The following IKZF2 variants were observed in gnomAD, a reference collection of about 807,000 sequenced individuals.
The protein encoded by IKZF2 is IKAROS family zinc finger 2.
In IKZF2, 15 loss-of-function variants were observed where a neutral mutation model predicts 49.2. The observed-to-expected ratio is 0.30, with a 90% CI of 0.20 to 0.47. The LOEUF is 0.47. IKZF2 is among the 20% of genes least tolerant of loss of function. The pLI, the probability that IKZF2 is intolerant of heterozygous loss-of-function variation, is 1.00. For missense variants in IKZF2, 567 were observed against 664.6 expected, an observed-to-expected ratio of 0.85 and a Z score of 1.61; for synonymous variants, 227 against 221.4, an observed-to-expected ratio of 1.03 and a Z score of -0.23.
intron 4 of IKZF2, among the ~76,000 whole-genome samples, chr2:213,110,234 G>C (rs944028313): frequency 3.3e-4 from 50 of 151,746 alleles, no homozygotes; most frequent in Non-Finnish European, 5.6e-4. Flanking sequence ...TATTTGAATG[G>C]TTCAAAAATC....
intron 4 of IKZF2, among the ~76,000 whole-genome samples, chr2:213,068,156 T>C (rs149103221): frequency 6.6e-4 from 100 of 152,264 alleles, no homozygotes; most frequent in African/African-American, 2.3e-3. Flanking sequence ...AAAGGGCATA[T>C]AAATGGCTTT....
chr2:213,086,095 A>G (rs1302662241), intron 4 of IKZF2, among the ~76,000 whole-genome samples: 1 of 152,240 alleles, frequency 6.6e-6, no homozygotes, highest in Admixed American at 6.5e-5. Context: ...TATAGGAATC[A>G]TTACTCCACT....
At chr2:213,130,019 A>G (rs111576011) in intron 4 of IKZF2, among the ~76,000 whole-genome samples, 1,901 of 152,296 alleles carry the variant, frequency 0.012, 39 homozygotes, top group African/African-American at 0.044. Flanking sequence ...CTGCAAATAG[A>G]TGAAGGTGAG....
At chr2:213,064,855 C>T (rs1404553566) in intron 4 of IKZF2, among the ~76,000 whole-genome samples, 2 of 152,044 alleles carry the variant, frequency 1.3e-5, no homozygotes, top group Non-Finnish European at 2.9e-5. Context: ...TTTTGCCACA[C>T]TCTTCTCCCC....
At chr2:213,068,487 A>G (rs1047795757) in intron 4 of IKZF2, among the ~76,000 whole-genome samples, 1 of 152,112 alleles carries the variant, frequency 6.6e-6, no homozygotes, top group African/African-American at 2.4e-5. Context: ...AGGTCCCTTC[A>G]ATCTATGGTA....
At position 213,007,921 on chromosome 2, in the gene IKZF2, C is replaced by A. The variant is rs115182573; in HGVS notation, c.1020G>T (p.Pro340=). The A allele has an allele frequency of 9.3e-6, 15 of 1,613,364 alleles. No homozygotes were observed. Among genetic ancestry groups the A allele is most frequent in the Non-Finnish European group, 1.3e-5 (15 of 1,179,666 alleles). The change falls in exon 9 of 9, where the codon CCG becomes CCT. Residue 340 remains proline, a synonymous_variant. Transcript: ENST00000434687. Reference sequence around the variant, plus strand: ...GGGCCACTTCAGCGATTGTGCTTGGCGGGTGCTGCATCAGAGGGTGAAGGG... The same window carrying A: ...GGGCCACTTCAGCGATTGTGCTTGGAGGGTGCTGCATCAGAGGGTGAAGGG... ...AEALHPLMQH[P]PSTIAEVAPV... is the part of the protein sequence containing the mutation.
intron 6 of IKZF2, among the ~76,000 whole-genome samples, chr2:213,038,563 C>CT (rs1219950655): frequency 2.7e-5 from 4 of 147,990 alleles, no homozygotes; most frequent in Non-Finnish European, 5.9e-5. Context: ...TATTTATGTA[C>CT]TTTTTTTCTG....
chr2:213,045,190 T>C (rs1700038666), intron 6 of IKZF2, among the ~76,000 whole-genome samples: 1 of 152,196 alleles, frequency 6.6e-6, no homozygotes, highest in African/African-American at 2.4e-5. Context: ...AACTGAAAGA[T>C]GTTAGGGGTG....
intron 4 of IKZF2, among the ~76,000 whole-genome samples, chr2:213,089,434 A>G (rs1705045206): frequency 6.6e-6 from 1 of 152,042 alleles, no homozygotes. Flanking sequence ...CACTCTCCAC[A>G]TGGGACCCAG....
intron 4 of IKZF2, among the ~76,000 whole-genome samples, chr2:213,086,924 A>T (rs1344940109): frequency 6.6e-6 from 1 of 152,174 alleles, no homozygotes; most frequent in African/African-American, 2.4e-5. Context: ...ACTATTGCCA[A>T]AAAACAGACT....
intron 4 of IKZF2, among the ~76,000 whole-genome samples, chr2:213,089,735 T>C (rs1025795738): frequency 6.6e-6 from 1 of 151,826 alleles, no homozygotes; most frequent in Non-Finnish European, 1.5e-5. Context: ...GAGGAGGAAA[T>C]TGGGAGAATT....
At chr2:213,148,479 CAG>C in intron 3 of IKZF2, 115 bp downstream of exon 3, 1 of 690,034 alleles carries the variant, frequency 1.4e-6, no homozygotes, top group African/African-American at 1.8e-5. Flanking sequence ...AAATTGTGAA[CAG>C]AGAGAAAAAA....
rs776876773 is a variant in IKZF2 at position 213,057,049 on chromosome 2, G to T, written c.190C>A (p.Pro64Thr). The T allele has an allele frequency of 6.2e-7, 1 of 1,613,738 alleles. No individual in the cohort carries two copies. The change falls in exon 5 of 9, where the codon CCC (proline) becomes ACC (threonine). Residue 64 changes from proline (P) to threonine (T), a missense_variant. Coordinates refer to ENST00000434687, the MANE Select transcript of IKZF2 (RefSeq NM_001387220.1). ...MQSDEECDRK[P>T]LSREDEIRGH... ...CTGATCTCATCTTCACGGCTCAGGG[G>T]TTTCCTGTCACACTCTTCATCACTC... is the stretch of plus-strand genomic sequence containing the variant.
intron 4 of IKZF2, among the ~76,000 whole-genome samples, chr2:213,079,495 AAG>A (rs369197720): frequency 0.033 from 4,992 of 149,078 alleles, 319 homozygotes; most frequent in African/African-American, 0.12. Context: ...GAAAAAAAGA[AAG>A]AGAGAGAGAG....
intron 4 of IKZF2, among the ~76,000 whole-genome samples, chr2:213,099,657 T>C (rs956043151): frequency 4.6e-5 from 7 of 152,112 alleles, no homozygotes; most frequent in African/African-American, 1.7e-4. Context: ...TATTACCTCC[T>C]CATTTAAAAG....
Position 213,051,822 on chromosome 2 carries a change from G to A in IKZF2, c.407-1942C>T, listed in dbSNP as rs182561862. Among the ~76,000 whole-genome samples the A allele has an allele frequency of 2.0e-3, 302 of 151,998 alleles. 2 individuals are homozygous for A. The highest frequency in any genetic ancestry group is 4.6e-3 in the South Asian group (22 of 4,810). The stretch of plus-strand genomic sequence containing the variant: ...TACTTTTAAAATATGTCTACGTAAG[G>A]TTTCCCAAGCAAGTAACAAATTCGT... On this transcript the variant is annotated intron_variant, in intron 5 of 8. Transcript: ENST00000434687.
intron 4 of IKZF2, among the ~76,000 whole-genome samples, chr2:213,073,480 A>C (rs1702924570): frequency 6.6e-6 from 1 of 152,212 alleles, no homozygotes; most frequent in Non-Finnish European, 1.5e-5. Flanking sequence ...GACATGATCT[A>C]TGTTTCATAA....
At chr2:213,079,308 G>T (rs1703637338) in intron 4 of IKZF2, among the ~76,000 whole-genome samples, 1 of 151,984 alleles carries the variant, frequency 6.6e-6, no homozygotes, top group African/African-American at 2.4e-5. Context: ...CAGCCCAGGA[G>T]TTCAAGGCTG....
At chr2:213,115,007 T>TA (rs2059824082) in intron 4 of IKZF2, among the ~76,000 whole-genome samples, 2 of 152,118 alleles carry the variant, frequency 1.3e-5, no homozygotes, top group South Asian at 4.1e-4. Flanking sequence ...CCTTAAAAGT[T>TA]ACAACAGTGT....
Sources: allele counts gnomAD v4.1 joint callset (sites outside exome capture counted in the v4.1 genomes callset), GRCh38; gene constraint gnomAD v4.1.1; transcripts MANE v1.5; gene names NCBI Gene and HGNC (gene_info 2026-07-23, HGNC 2026-07-21).